Variants in PLEKHG1 observed in about 807,000 individuals in gnomAD.
The protein encoded by PLEKHG1 is pleckstrin homology domain-containing family G member 1.
PLEKHG1 carries 44 observed loss-of-function variants against 100.8 expected under a neutral mutation model. The ratio of observed to expected loss-of-function variants is 0.44; its 90% CI spans 0.34 to 0.56. The LOEUF (loss-of-function observed/expected upper bound fraction) is 0.56. Among genes scored for constraint, PLEKHG1 ranks in the 20% least tolerant of loss-of-function variants. The probability of loss-of-function intolerance (pLI) is 0.01; values close to 1 mark genes in which losing one functional copy is unlikely to be tolerated. For missense variants in PLEKHG1, 1,545 were observed against 1,720.9 expected (o/e 0.90, Z 1.81); for synonymous variants, 640 against 662.5 (o/e 0.97, Z 0.52).
chr6:150,640,143 G>A (rs1032140272), intron 2 of PLEKHG1, among the ~76,000 whole-genome samples: 26 of 152,230 alleles, frequency 1.7e-4, no homozygotes, highest in Non-Finnish European at 3.2e-4. Flanking sequence ...TGCCCAGGCC[G>A]GCGTCCCGCC....
At position 150,839,909 on chromosome 6, in the gene PLEKHG1, T is replaced by TGGCTG; in HGVS notation, c.3175_3179dup (p.Ser1061GlyfsTer10). On this transcript the variant is annotated frameshift_variant, in exon 16 of 16. Coordinates refer to ENST00000358517, the Ensembl canonical transcript of PLEKHG1. LOFTEE classifies it low-confidence loss of function (END_TRUNC). ...AGTCTCCCTTGAAAATTCAGAAGGA[T>TGGCTG]GGCTGGGCCAGCCCTCAAGAATCCT... 1 of 1,614,038 alleles carries TGGCTG rather than the reference T, an allele frequency of 6.2e-7. No individual in the cohort carries two copies. The highest frequency in any genetic ancestry group is 8.5e-7 in the Non-Finnish European group (1 of 1,179,894).
At chr6:150,715,454 T>G (rs527998682) in intron 3 of PLEKHG1, among the ~76,000 whole-genome samples, 2 of 151,996 alleles carry the variant, frequency 1.3e-5, no homozygotes, top group Non-Finnish European at 2.9e-5. Flanking sequence ...TGGCGTGCAA[T>G]TGACTTTAAC....
At chr6:150,817,660 C>T (rs1241284927) in intron 10 of PLEKHG1, among the ~76,000 whole-genome samples, 1 of 150,326 alleles carries the variant, frequency 6.7e-6, no homozygotes, top group Admixed American at 6.7e-5. Context: ...TGGGTTCAAG[C>T]GATTCTCCTG....
chr6:150,728,565 G>T (rs1782076087), intron 1 of PLEKHG1, among the ~76,000 whole-genome samples: 2 of 150,900 alleles, frequency 1.3e-5, no homozygotes, highest in African/African-American at 2.4e-5. Context: ...GACAGAGTGA[G>T]ACCCTGTTTC....
intron 2 of PLEKHG1, among the ~76,000 whole-genome samples, chr6:150,734,774 GTTATTA>G (rs1334253812): frequency 1.3e-5 from 2 of 152,116 alleles, no homozygotes; most frequent in African/African-American, 2.4e-5. Flanking sequence ...TTTTGCATAT[GTTATTA>G]TTATGATTAT....
At chr6:150,751,082 A>AT (rs1372533522) in intron 2 of PLEKHG1, among the ~76,000 whole-genome samples, 2 of 152,224 alleles carry the variant, frequency 1.3e-5, no homozygotes, top group Admixed American at 6.5e-5. Context: ...GACAAGACCA[A>AT]TAATTTCTAG....
intron 3 of PLEKHG1, among the ~76,000 whole-genome samples, chr6:150,665,127 C>T (rs928904906): frequency 6.6e-6 from 1 of 152,142 alleles, no homozygotes; most frequent in Non-Finnish European, 1.5e-5. Flanking sequence ...TATGCATGAT[C>T]TGTGAGAAAC....
intron 3 of PLEKHG1, among the ~76,000 whole-genome samples, chr6:150,705,514 C>T (rs1217120416): frequency 6.6e-6 from 1 of 152,248 alleles, no homozygotes; most frequent in East Asian, 1.9e-4. Context: ...CACAGGGCCC[C>T]CTGAGCCCAG....
chr6:150,617,358 C>T (rs188765418), intron 1 of PLEKHG1, among the ~76,000 whole-genome samples: 2 of 152,110 alleles, frequency 1.3e-5, no homozygotes, highest in Non-Finnish European at 2.9e-5. Flanking sequence ...GTTGAGTCAA[C>T]GGAATTGTTG....
chr6:150,692,840 C>A (rs1031545925), intron 3 of PLEKHG1, among the ~76,000 whole-genome samples: 2 of 152,098 alleles, frequency 1.3e-5, no homozygotes, highest in Admixed American at 6.6e-5. Flanking sequence ...ACTGTCAGAG[C>A]GAGTGCATTG....
Position 150,840,398 on chromosome 6 carries a change from G to T in PLEKHG1, c.3660G>T (p.Gln1220His), listed in dbSNP as rs759031716. The change falls in exon 16 of 16, where the codon CAG becomes CAT. Residue 1220 changes from glutamine to histidine, a missense_variant. By Grantham distance (24) the Gln-to-His change is conservative (BLOSUM62 0). Coordinates refer to ENST00000358517, the Ensembl canonical transcript of PLEKHG1. ...GAAGTTCAAGGTGTGAGAGTCACCA[G>T]GACTTGCTGCCAGATATTGCTGACT... 1.9e-6 allele frequency: 3 copies of T among 1,614,184 alleles called. No individual in the cohort carries two copies. The Admixed American group carries it at 5.0e-5, about 27-fold the overall frequency.
At chr6:150,763,358 G>A (rs536034683) in intron 2 of PLEKHG1, among the ~76,000 whole-genome samples, 1 of 152,216 alleles carries the variant, frequency 6.6e-6, no homozygotes, top group East Asian at 1.9e-4. Context: ...CAGTCACAAT[G>A]TTCTGTAAGG....
intron 3 of PLEKHG1, among the ~76,000 whole-genome samples, chr6:150,695,309 G>A (rs1432091139): frequency 2.0e-5 from 3 of 152,154 alleles, no homozygotes; most frequent in Non-Finnish European, 4.4e-5. Flanking sequence ...AAACTTAAAA[G>A]CTCCAAGTCT....
At chr6:150,804,176 T>TATATATATATATATA (rs55868220) in intron 6 of PLEKHG1, among the ~76,000 whole-genome samples, 16 of 24,762 alleles carry the variant, frequency 6.5e-4, no homozygotes, top group African/African-American at 1.5e-3. Context: ...TATATATATA[T>TATATATATATATATA]TTTTTTTTTT....
intron 3 of PLEKHG1, among the ~76,000 whole-genome samples, chr6:150,710,941 C>A (rs928795038): frequency 6.6e-6 from 1 of 152,136 alleles, no homozygotes; most frequent in Non-Finnish European, 1.5e-5. Context: ...GCCCAGTGTG[C>A]ACGTCACACA....
At chr6:150,718,076 C>CA (rs1196694394), upstream of PLEKHG1, among the ~76,000 whole-genome samples, 1 of 151,694 alleles carries the variant, frequency 6.6e-6, no homozygotes, top group Admixed American at 6.6e-5. Flanking sequence ...GATTCTGTCT[C>CA]AAAAAAATAA....
Position 150,770,360 on chromosome 6 carries a change from T to G in PLEKHG1, c.512+1622T>G, listed in dbSNP as rs1218630247. On this transcript the variant is annotated intron_variant, in intron 3 of 15. Coordinates refer to ENST00000358517, the Ensembl canonical transcript of PLEKHG1. ...GAAATGTTCCTTGACTTGAAATAGC[T>G]TATCCTTTAATTCTGAAAGCCTAGG... Among the ~76,000 whole-genome samples the G allele has an allele frequency of 4.6e-5, 7 of 152,220 alleles. No individual in the cohort carries two copies. The East Asian group carries it at 1.3e-3, about 29-fold the overall frequency.
At chr6:150,823,977 G>A (rs1196900644) in intron 14 of PLEKHG1, among the ~76,000 whole-genome samples, 7 of 152,072 alleles carry the variant, frequency 4.6e-5, no homozygotes, top group Non-Finnish European at 8.8e-5. Flanking sequence ...ATACCTGCCC[G>A]GTGCTCACGT....
chr6:150,798,210 C>G (rs912889333), intron 5 of PLEKHG1, among the ~76,000 whole-genome samples: 1 of 152,076 alleles, frequency 6.6e-6, no homozygotes, highest in African/African-American at 2.4e-5. Context: ...AGAATCAGCC[C>G]TCATCTTCTC....
Sources: allele counts gnomAD v4.1 joint callset (sites outside exome capture counted in the v4.1 genomes callset), GRCh38; gene constraint gnomAD v4.1.1; transcripts MANE v1.5; gene names NCBI Gene and HGNC (gene_info 2026-07-23, HGNC 2026-07-21).